Variants in WWOX observed in about 807,000 individuals in gnomAD.
WWOX encodes the protein WW domain containing oxidoreductase.
In WWOX, 69 loss-of-function variants were observed where a neutral mutation model predicts 46.2. The ratio of observed to expected loss-of-function variants is 1.49; its 90% confidence interval spans 1.23 to 1.82. The LOEUF (loss-of-function observed/expected upper bound fraction) is 1.82. WWOX is among the 40% of genes most tolerant of loss of function. The pLI is 0.00. For missense variants in WWOX, 919 were observed against 542.6 expected, an observed-to-expected ratio of 1.69 and a Z score of -6.89; for synonymous variants, 359 against 202.6, an observed-to-expected ratio of 1.77 and a Z score of -6.56.
At chr16:78,365,138 C>T (rs948975949) in intron 5 of WWOX, among the ~76,000 whole-genome samples, 5 of 152,292 alleles carry the variant, frequency 3.3e-5, no homozygotes, top group Middle Eastern at 3.4e-3. Flanking sequence ...CTAATACCTA[C>T]TTCTTGAAGA....
intron 8 of WWOX, among the ~76,000 whole-genome samples, chr16:78,765,370 G>A (rs2142501959): frequency 6.6e-6 from 1 of 152,278 alleles, no homozygotes; most frequent in Admixed American, 6.5e-5. Context: ...CAGGTGAGAG[G>A]CCCTGAAATT....
chr16:78,204,740 A>G (rs1218032266), intron 5 of WWOX, among the ~76,000 whole-genome samples: 2 of 152,212 alleles, frequency 1.3e-5, no homozygotes, highest in East Asian at 3.8e-4. Flanking sequence ...ATACCTGATT[A>G]CACACCTGCG....
intron 8 of WWOX, chr16:78,892,337 C>G (rs2044608690): frequency 6.6e-6 from 1 of 152,202 alleles, no homozygotes; most frequent in Non-Finnish European, 1.5e-5. Context: ...GCTTCTGCAC[C>G]TGTGTGCGTT....
intron 7 of WWOX, among the ~76,000 whole-genome samples, chr16:78,428,415 A>G (rs2083137282): frequency 6.6e-6 from 1 of 152,218 alleles, no homozygotes; most frequent in Non-Finnish European, 1.5e-5. Flanking sequence ...ATGAGACTGT[A>G]AAAGTGGACT....
intron 8 of WWOX, among the ~76,000 whole-genome samples, chr16:78,804,801 A>G (rs529076508): frequency 2.6e-5 from 4 of 152,372 alleles, no homozygotes; most frequent in South Asian, 4.1e-4. Flanking sequence ...ACAGCCATCA[A>G]TAGAAAAGAA....
chr16:78,499,843 A>C (rs563037853), intron 8 of WWOX, among the ~76,000 whole-genome samples: 1 of 152,264 alleles, frequency 6.6e-6, no homozygotes, highest in African/African-American at 2.4e-5. Context: ...TGAGACCTTG[A>C]ATTTCATGCC....
rs1278607939 is a variant in WWOX, at chr16:78,621,598, T to TA, written c.1056+188846_1056+188847insA. ...AACCTTGTGTTGTTCTAATCTTTTT[T>TA]TTTTTTTTTTTTTTTTTTTTTTTTG... On this transcript the variant is annotated intron_variant, in intron 8 of 8. Transcript: ENST00000566780. Among the ~76,000 whole-genome samples the TA allele has an allele frequency of 1.3e-3, 97 of 76,954 alleles. 1 individual carries two copies. The highest frequency in any genetic ancestry group is 4.8e-3 in the African/African-American group (94 of 19,538). 50.5% of individuals were successfully genotyped at this position (76,954 alleles called of 152,430 possible). A position where few individuals can be genotyped will look rare whatever the true frequency, so the allele number is the denominator to read the frequency against.
At chr16:78,125,698 C>A (rs889098081) in intron 4 of WWOX, among the ~76,000 whole-genome samples, 3 of 152,058 alleles carry the variant, frequency 2.0e-5, no homozygotes, top group African/African-American at 7.3e-5. Flanking sequence ...CCCATCTCTA[C>A]CAAATCAAAT....
intron 8 of WWOX, among the ~76,000 whole-genome samples, chr16:79,210,734 G>C (rs1380536788): frequency 6.6e-6 from 1 of 152,110 alleles, no homozygotes; most frequent in Non-Finnish European, 1.5e-5. Context: ...GCAAAGCAAA[G>C]TGATTTCTTG....
At chr16:78,932,823 G>A (rs533742193) in intron 8 of WWOX, among the ~76,000 whole-genome samples, 1 of 152,180 alleles carries the variant, frequency 6.6e-6, no homozygotes. Context: ...AAACAGACAA[G>A]GTGAGGAGCA....
intron 5 of WWOX, among the ~76,000 whole-genome samples, chr16:78,249,917 A>C (rs2037935796): frequency 6.6e-6 from 1 of 152,164 alleles, no homozygotes; most frequent in Non-Finnish European, 1.5e-5. Context: ...TGAGATAGCA[A>C]AGAGAACTCA....
intron 5 of WWOX, among the ~76,000 whole-genome samples, chr16:78,352,214 A>T (rs1298910451): frequency 6.6e-6 from 1 of 152,232 alleles, no homozygotes; most frequent in Non-Finnish European, 1.5e-5. Context: ...TGGATGTGCA[A>T]TGTGAAATCT....
intron 8 of WWOX, among the ~76,000 whole-genome samples, chr16:78,590,351 G>C (rs1477425247): frequency 6.6e-6 from 1 of 152,134 alleles, no homozygotes; most frequent in Admixed American, 6.6e-5. Flanking sequence ...AATATTCTAA[G>C]AGGAATCTGA....
intron 8 of WWOX, among the ~76,000 whole-genome samples, chr16:79,020,314 G>C (rs2047505716): frequency 6.6e-6 from 1 of 152,202 alleles, no homozygotes; most frequent in Non-Finnish European, 1.5e-5. Flanking sequence ...GACTTTTTAA[G>C]GGGTTTTGTG....
At chr16:78,453,110 T>TTA (rs2083731519) in intron 8 of WWOX, among the ~76,000 whole-genome samples, 1 of 152,044 alleles carries the variant, frequency 6.6e-6, no homozygotes. Flanking sequence ...TATTTATATC[T>TTA]TATATGTGTA....
intron 5 of WWOX, among the ~76,000 whole-genome samples, chr16:78,367,184 T>A (rs2081555156): frequency 6.6e-6 from 1 of 151,996 alleles, no homozygotes; most frequent in South Asian, 2.1e-4. Context: ...TTTCACCATG[T>A]TAGCCACTTT....
intron 8 of WWOX, among the ~76,000 whole-genome samples, chr16:78,766,078 A>G (rs911428057): frequency 6.6e-6 from 1 of 152,294 alleles, no homozygotes; most frequent in East Asian, 1.9e-4. Flanking sequence ...AAGGAGTGGG[A>G]CGGGGTGAAT....
rs559901150 is a variant in WWOX at position 78,250,437 on chromosome 16, T to C, written c.516+86148T>C. Among the ~76,000 whole-genome samples, 23 of 152,134 alleles carry C rather than the reference T, an allele frequency of 1.5e-4. No individual in the cohort carries two copies. In the South Asian group the frequency reaches 4.6e-3, roughly 30 times the overall value. On this transcript the variant is annotated intron_variant, in intron 5 of 8. Coordinates refer to ENST00000566780, the MANE Select transcript of WWOX (RefSeq NM_016373.4). ...ACATTTTTTTTTTGGCAAGATTAAG[T>C]GAGATCTTCCATTTGACATGCCTGG...
At chr16:78,831,332 C>T (rs531977375) in intron 8 of WWOX, among the ~76,000 whole-genome samples, 9 of 152,296 alleles carry the variant, frequency 5.9e-5, no homozygotes, top group Non-Finnish European at 1.0e-4. Flanking sequence ...AGCCCCTGAC[C>T]AGCCTCCAAG....
Sources: gnomAD v4.1 joint callset for allele counts (sites outside exome capture counted in the v4.1 genomes callset) on GRCh38, gnomAD v4.1.1 for gene constraint, MANE v1.5 for transcripts, NCBI Gene and HGNC (gene_info 2026-07-23, HGNC 2026-07-21) for gene names.